LHX1: variants seen among roughly 807,000 people sequenced by gnomAD.
LHX1 encodes LIM/homeobox protein Lhx1.
Under a neutral mutation model 34.1 loss-of-function variants are expected in LHX1, and 9 were observed. The ratio of observed to expected loss-of-function variants is 0.26; its 90% CI spans 0.16 to 0.46. The LOEUF is 0.46. Ranked by LOEUF, LHX1 falls within the 20% of genes least tolerant of loss-of-function variation. The pLI is 1.00. For synonymous variants in LHX1, 254 were observed against 241.5 expected (o/e 1.05, Z -0.48); for missense variants, 446 against 559.1 (o/e 0.80, Z 2.04).
rs986114053 is a variant in LHX1, at chr17:36,937,576, G to C, written c.-622G>C. On this transcript the variant is annotated 5_prime_UTR_variant, in exon 1 of 5. Coordinates refer to ENST00000614239, the MANE Select transcript of LHX1 (RefSeq NM_005568.5). ...GGGCGCTCGGCGCGTCCAGACCCGCGGCGCGATGCCGGCAGTTTAGGATCC... is the reference window on the plus strand; with the variant it reads ...GGGCGCTCGGCGCGTCCAGACCCGCCGCGCGATGCCGGCAGTTTAGGATCC... 3.2e-6 allele frequency: 1 copy of C among 313,324 alleles called. No homozygotes were observed. The highest frequency in any genetic ancestry group is 2.3e-5 in the African/African-American group (1 of 44,280). 19.4% of individuals were successfully genotyped at this position (313,324 alleles called of 1,614,324 possible). A position where few individuals can be genotyped will look rare whatever the true frequency, so the allele number is the denominator to read the frequency against.
intron 1 of LHX1, 31 bp from the exon 2 acceptor site, chr17:36,940,259 G>GCCCCA: frequency 6.9e-6 from 2 of 288,514 alleles, no homozygotes; most frequent in African/African-American, 4.7e-5. Flanking sequence ...ACCCATCCCC[G>GCCCCA]CCCCCGCCCC....
In LHX1 at chr17:36,942,350, T is replaced by A. The variant is rs2070771111; in HGVS notation, c.826T>A (p.Phe276Ile). The A allele has an allele frequency of 1.3e-6, 2 of 1,586,056 alleles. No homozygotes were observed. The highest frequency in any genetic ancestry group is 1.7e-6 in the Non-Finnish European group (2 of 1,167,262). Reference sequence around the variant, plus strand: ...GGGCGAGCTCATCCCCAATGGTCCCTTCTCCTTCTACGGAGGTGGGTGCGC... The same window carrying A: ...GGGCGAGCTCATCCCCAATGGTCCCATCTCCTTCTACGGAGGTGGGTGCGC... Reference protein sequence around the residue: ...EPGELIPNGPFSFYGDYQSEY... With the variant: ...EPGELIPNGPISFYGDYQSEY... The change falls in exon 4 of 5, where the codon TTC becomes ATC. Residue 276 changes from phenylalanine to isoleucine, a missense_variant. This residue lies in a region of LHX1 where 235 missense variants were observed against 224.4 expected (regional missense o/e 1.05). Transcript: ENST00000614239.
Position 36,940,654 on chromosome 17 carries a change from C to T in LHX1, c.442C>T (p.Pro148Ser). 6.2e-7 allele frequency: 1 copy of T among 1,613,902 alleles called. No homozygotes were observed. The change falls in exon 3 of 5, where the codon CCG becomes TCG. Residue 148 changes from proline (P) to serine (S), a missense_variant. By Grantham distance (74) the Pro-to-Ser change is moderately conservative. This residue lies in a region of LHX1 where 168 missense variants were observed against 226.6 expected (regional missense o/e 0.74). Transcript: ENST00000614239. ...DPSLSPDSQD[P>S]SQDDAKDSES... Reference sequence around the variant, plus strand: ...CAGTTTGTCTCCGGATTCCCAAGACCCGTCGCAGGACGACGCCAAGGACTC... The same window carrying T: ...CAGTTTGTCTCCGGATTCCCAAGACTCGTCGCAGGACGACGCCAAGGACTC...
At chr17:36,942,609 C>T (rs1567958098) in intron 4 of LHX1, 143 bp from the exon 5 acceptor site, 6 of 1,034,578 alleles carry the variant, frequency 5.8e-6, no homozygotes, top group Non-Finnish European at 6.8e-6. Context: ...CTCCCTGCAC[C>T]CAGGCCCGCG....
At chr17:36,942,627 C>A in intron 4 of LHX1, 125 bp from the exon 5 acceptor site, 1 of 1,160,682 alleles carries the variant, frequency 8.6e-7, no homozygotes, top group South Asian at 1.7e-5. Context: ...GCGAGGGCTC[C>A]CCGCGATCCG....
chr17:36,940,254 TCCCCGCCCCCGCCCCCCACCCCCACCC>T lies in LHX1; in HGVS notation c.171-29_171-3del. 3 of 560,750 alleles carry T rather than the reference TCCCCGCCCCCGCCCCCCACCCCCACCC, an allele frequency of 5.3e-6. No homozygotes were observed. Among genetic ancestry groups the T allele is most frequent in the Non-Finnish European group, 9.6e-6 (3 of 311,454 alleles). 34.7% of individuals were successfully genotyped at this position (560,750 alleles called of 1,614,324 possible). ...TCTCCCCTTGCCCCTGGCTGACCCA[TCCCCGCCCCCGCCCCCCACCCCCACCC>T]CCCCGCAGGTGTTTCGGTACCAAAT... On this transcript the variant is annotated splice_polypyrimidine_tract_variant and intron_variant, in intron 1 of 4. Transcript: ENST00000614239.
In LHX1 at chr17:36,943,179, C is replaced by T; in HGVS notation, c.*48C>T. 6.7e-7 allele frequency: 1 copy of T among 1,498,128 alleles called. No individual in the cohort carries two copies. The highest frequency in any genetic ancestry group is 9.0e-7 in the Non-Finnish European group (1 of 1,105,360). 92.8% of individuals were successfully genotyped at this position (1,498,128 alleles called of 1,614,324 possible). A position where few individuals can be genotyped will look rare whatever the true frequency, so the allele number is the denominator to read the frequency against. On this transcript the variant is annotated 3_prime_UTR_variant, in exon 5 of 5. Coordinates refer to ENST00000614239, the MANE Select transcript of LHX1 (RefSeq NM_005568.5). The stretch of plus-strand genomic sequence containing the variant: ...AGTTCGTGGTTGTACAGAAATGAAC[C>T]TTTATTTAAGAAAAATAGAAAAAAA...
intron 1 of LHX1, chr17:36,940,054 C>T: frequency 1.7e-6 from 1 of 601,700 alleles, no homozygotes; most frequent in South Asian, 2.0e-5. Flanking sequence ...GTATCCCCTC[C>T]CTAACTCTTC....
chr17:36,940,050 C>T, intron 1 of LHX1: 2 of 598,216 alleles, frequency 3.3e-6, no homozygotes, highest in Non-Finnish European at 6.0e-6. Context: ...GCGTGTATCC[C>T]CTCCCTAACT....
chr17:36,937,160 A>G, upstream of LHX1: 1 of 442,532 alleles, frequency 2.3e-6, no homozygotes, highest in Non-Finnish European at 4.5e-6. Context: ...AGACGGAGGC[A>G]GACAGAGCGT....
rs778268047 is a variant in LHX1 at position 36,943,153 on chromosome 17, G to C, written c.*22G>C. 3.1e-6 allele frequency: 5 copies of C among 1,610,936 alleles called. No homozygotes were observed. Among genetic ancestry groups the C allele is most frequent in the South Asian group, 1.1e-5 (1 of 90,952 alleles). Reference sequence around the variant, plus strand: ...GTAGCGGGGTCTCGCACGGTCTGCGGAGTTCGTGGTTGTACAGAAATGAAC... The same window carrying C: ...GTAGCGGGGTCTCGCACGGTCTGCGCAGTTCGTGGTTGTACAGAAATGAAC... On this transcript the variant is annotated 3_prime_UTR_variant, in exon 5 of 5. Coordinates refer to ENST00000614239, the MANE Select transcript of LHX1 (RefSeq NM_005568.5).
intron 1 of LHX1, chr17:36,940,010 G>A (rs2070753844): frequency 1.7e-6 from 1 of 584,956 alleles, no homozygotes; most frequent in Non-Finnish European, 3.0e-6. Flanking sequence ...GCTGGGGCTT[G>A]GCGGGTAGCT....
chr17:36,940,679 C>G lies in LHX1; in HGVS notation c.467C>G (p.Ser156Trp). Residue 156 changes from serine to tryptophan, a missense_variant, in exon 3 of 5, where the codon TCG becomes TGG. Ser to Trp is a radical substitution (Grantham distance 177, BLOSUM62 -3). Transcript: ENST00000614239. ...CCGTCGCAGGACGACGCCAAGGACTCGGAGAGCGCCAACGTGTCGGACAAG... is the reference window on the plus strand; with the variant it reads ...CCGTCGCAGGACGACGCCAAGGACTGGGAGAGCGCCAACGTGTCGGACAAG... ...QDPSQDDAKD[S>W]ESANVSDKEA... 1 of 1,613,822 alleles carries G rather than the reference C, an allele frequency of 6.2e-7. No individual in the cohort carries two copies.
Position 36,938,221 on chromosome 17 carries a change from AAG to A in LHX1, c.25_26del (p.Arg9AlafsTer24). The A allele has an allele frequency of 6.2e-7, 1 of 1,613,934 alleles. No individual in the cohort carries two copies. The highest frequency in any genetic ancestry group is 8.5e-7 in the Non-Finnish European group (1 of 1,179,984). On this transcript the variant is annotated frameshift_variant, in exon 1 of 5. Transcript: ENST00000614239. LOFTEE classifies it high-confidence loss of function. ...CCATGGTTCACTGTGCCGGCTGCAA[AAG>A]GCCCATCCTGGACCGCTTTCTCTTG... Reference protein sequence around the residue: MVHCAGCKRPILDRFLLNV... With the variant: MVHCAGCKXPILDRFLLNV...
chr17:36,938,423 C>T, intron 1 of LHX1, 56 bp downstream of exon 1: 1 of 1,558,750 alleles, frequency 6.4e-7, no homozygotes, highest in Non-Finnish European at 8.8e-7. Flanking sequence ...CCTTCCCGGC[C>T]AGCTTCGGAT....
At position 36,940,259 on chromosome 17, in the gene LHX1, GCCCCCGCCCCCCACCCCCACC is replaced by G; in HGVS notation, c.171-23_171-3del. 2 of 288,500 alleles carry G rather than the reference GCCCCCGCCCCCCACCCCCACC, an allele frequency of 6.9e-6. No homozygotes were observed. Among genetic ancestry groups the G allele is most frequent in the Non-Finnish European group, 1.3e-5 (2 of 159,284 alleles). 17.9% of individuals were successfully genotyped at this position (288,500 alleles called of 1,614,324 possible). ...CCTTGCCCCTGGCTGACCCATCCCC[GCCCCCGCCCCCCACCCCCACC>G]CCCCCGCAGGTGTTTCGGTACCAAA... On this transcript the variant is annotated splice_polypyrimidine_tract_variant and intron_variant, in intron 1 of 4. Coordinates refer to ENST00000614239, the MANE Select transcript of LHX1 (RefSeq NM_005568.5).
rs567253598 is a variant in LHX1 at position 36,939,092 on chromosome 17, C to T, written c.170+725C>T. ...CTCAGTAGTCCTCCTAGGAAACTGC[C>T]AGCCACAGCCAGCAACCTCCTTGAT... On this transcript the variant is annotated intron_variant, in intron 1 of 4. Transcript: ENST00000614239. 2.2e-3 allele frequency among the ~76,000 whole-genome samples: 334 copies of T among 152,338 alleles called. 2 individuals are homozygous for T. Among genetic ancestry groups the T allele is most frequent in the Non-Finnish European group, 2.9e-3 (194 of 68,018 alleles).
chr17:36,937,754 C>T lies in LHX1; in HGVS notation c.-444C>T, dbSNP rs1011466660. ...CTTCTGACAGCTCTACCTCAAGCCC[C>T]GGAGAACTCAGCGGCGCTTTCCTCG... On this transcript the variant is annotated 5_prime_UTR_variant, in exon 1 of 5. Coordinates refer to ENST00000614239, the MANE Select transcript of LHX1 (RefSeq NM_005568.5). 1.3e-5 allele frequency: 6 copies of T among 466,654 alleles called. No individual in the cohort carries two copies. The highest frequency in any genetic ancestry group is 2.1e-5 in the Non-Finnish European group (5 of 234,588). 28.9% of individuals were successfully genotyped at this position (466,654 alleles called of 1,614,324 possible).
intron 3 of LHX1, chr17:36,941,181 A>G (rs972504218): frequency 1.5e-6 from 1 of 682,308 alleles, no homozygotes; most frequent in Non-Finnish European, 2.7e-6. Context: ...GAGAGTGGGG[A>G]GCCCTCTTTC....
Sources: allele counts gnomAD v4.1 joint callset (sites outside exome capture counted in the v4.1 genomes callset), GRCh38; gene constraint gnomAD v4.1.1; regional missense constraint gnomAD v4.1.1; transcripts MANE v1.5; gene names NCBI Gene and HGNC (gene_info 2026-07-23, HGNC 2026-07-21).